The following MACROD2 variants were observed in gnomAD, a reference collection of about 807,000 sequenced individuals.
MACROD2 encodes mono-ADP ribosylhydrolase 2, also known as ADP-ribose glycohydrolase MACROD2.
Under a neutral mutation model 70.4 loss-of-function variants are expected in MACROD2, and 36 were observed. That is an observed-to-expected ratio of 0.51 (90% confidence interval 0.39 to 0.68). The LOEUF is 0.68. Among genes scored for constraint, MACROD2 ranks in the 30% least tolerant of loss-of-function variants. MACROD2 has a pLI of 0.00. For missense variants in MACROD2, 496 were observed against 538.4 expected, an observed-to-expected ratio of 0.92 and a Z score of 0.78; for synonymous variants, 172 against 178.8, an observed-to-expected ratio of 0.96 and a Z score of 0.30.
intron 4 of MACROD2, among the ~76,000 whole-genome samples, chr20:14,670,410 T>C (rs1323718562): frequency 1.3e-5 from 2 of 152,172 alleles, no homozygotes; most frequent in Non-Finnish European, 2.9e-5. Flanking sequence ...TCTAGGTTTT[T>C]CCAGCTGCCA....
At chr20:15,498,000 C>A (rs1398780838) in intron 7 of MACROD2, among the ~76,000 whole-genome samples, 1 of 152,150 alleles carries the variant, frequency 6.6e-6, no homozygotes, top group Non-Finnish European at 1.5e-5. Context: ...AAGAGTTTTA[C>A]ATTTTGGTGC....
chr20:15,176,862 T>G (rs1410952222), intron 5 of MACROD2, among the ~76,000 whole-genome samples: 1 of 152,188 alleles, frequency 6.6e-6, no homozygotes, highest in Non-Finnish European at 1.5e-5. Flanking sequence ...GCCAGAGCTG[T>G]GACACCCTCT....
chr20:14,060,182 T>C (rs2148655057), intron 2 of MACROD2, among the ~76,000 whole-genome samples: 1 of 152,340 alleles, frequency 6.6e-6, no homozygotes, highest in Non-Finnish European at 1.5e-5. Flanking sequence ...AGCTGGTAGC[T>C]GGCTATTTTC....
chr20:15,619,173 C>T (rs2049088832), intron 8 of MACROD2, among the ~76,000 whole-genome samples: 1 of 152,190 alleles, frequency 6.6e-6, no homozygotes, highest in African/African-American at 2.4e-5. Flanking sequence ...GACTCCTAAA[C>T]CGTAATTTCT....
At chr20:14,971,353 G>A (rs377378020) in intron 5 of MACROD2, among the ~76,000 whole-genome samples, 1 of 152,068 alleles carries the variant, frequency 6.6e-6, no homozygotes. Flanking sequence ...CCATGGATAT[G>A]GAGGGCTGAT....
chr20:15,919,955 C>T (rs372334633), intron 10 of MACROD2, among the ~76,000 whole-genome samples: 1 of 152,130 alleles, frequency 6.6e-6, no homozygotes, highest in African/African-American at 2.4e-5. Flanking sequence ...TTAAATTCAA[C>T]ATCAGGAGGT....
chr20:15,375,452 A>C (rs1369698890), intron 6 of MACROD2, among the ~76,000 whole-genome samples: 1 of 152,172 alleles, frequency 6.6e-6, no homozygotes, highest in South Asian at 2.1e-4. Flanking sequence ...GCAGCTTCTA[A>C]TTATGAAGCA....
chr20:15,244,203 T>A (rs1181556681), intron 6 of MACROD2, among the ~76,000 whole-genome samples: 2 of 152,180 alleles, frequency 1.3e-5, no homozygotes, highest in African/African-American at 2.4e-5. Context: ...ATAGATAGTA[T>A]AAAATTTTCC....
At chr20:14,056,213 A>C (rs2053629459) in intron 2 of MACROD2, among the ~76,000 whole-genome samples, 1 of 152,070 alleles carries the variant, frequency 6.6e-6, no homozygotes, top group Admixed American at 6.6e-5. Flanking sequence ...ACACTTATGT[A>C]TAGAATTTTC....
intron 5 of MACROD2, among the ~76,000 whole-genome samples, chr20:14,807,677 GGAAGCTAA>G (rs1214482327): frequency 3.9e-5 from 6 of 152,086 alleles, no homozygotes; most frequent in Admixed American, 1.3e-4. Context: ...CCCAATGGAA[GGAAGCTAA>G]GAACCTTGAT....
intron 5 of MACROD2, among the ~76,000 whole-genome samples, chr20:15,058,225 G>A (rs1282186868): frequency 6.6e-6 from 1 of 152,012 alleles, no homozygotes; most frequent in African/African-American, 2.4e-5. Context: ...GGTTAAAGGG[G>A]GACAGATGTA....
At chr20:15,490,793 A>G (rs2047222349) in intron 7 of MACROD2, among the ~76,000 whole-genome samples, 1 of 152,198 alleles carries the variant, frequency 6.6e-6, no homozygotes, top group African/African-American at 2.4e-5. Flanking sequence ...GTATCAAGTG[A>G]ATGAGAAACA....
At chr20:15,615,640 C>T (rs1446923486) in intron 8 of MACROD2, among the ~76,000 whole-genome samples, 1 of 152,168 alleles carries the variant, frequency 6.6e-6, no homozygotes, top group Non-Finnish European at 1.5e-5. Context: ...ACAGGCCACA[C>T]ACTACCACAC....
rs375194839 is a variant in MACROD2, at chr20:15,828,237, A to C, written c.646-34508A>C. Among the ~76,000 whole-genome samples the C allele has an allele frequency of 2.9e-3, 439 of 152,318 alleles. 1 individual carries two copies. Among genetic ancestry groups the C allele is most frequent in the South Asian group, 7.5e-3 (36 of 4,824 alleles). On this transcript the variant is annotated intron_variant, in intron 8 of 17. Coordinates refer to ENST00000684519, the MANE Select transcript of MACROD2 (RefSeq NM_001351661.2). ...TCAAAACATCACATTGTATACCATA[A>C]ATGTATCTTTCTCATTTATCAGTTT...
intron 5 of MACROD2, among the ~76,000 whole-genome samples, chr20:15,160,378 CAT>C (rs763985470): frequency 7.6e-4 from 116 of 152,214 alleles, no homozygotes; most frequent in Non-Finnish European, 1.3e-3. Flanking sequence ...CAACTAAAAA[CAT>C]TGTAGAAACC....
chr20:14,298,965 A>G (rs761489998), intron 3 of MACROD2, among the ~76,000 whole-genome samples: 4 of 152,212 alleles, frequency 2.6e-5, no homozygotes, highest in Non-Finnish European at 5.9e-5. Flanking sequence ...GATAGAATCT[A>G]CTCCTGGTGA....
intron 3 of MACROD2, among the ~76,000 whole-genome samples, chr20:14,119,775 T>C (rs901748628): frequency 2.0e-5 from 3 of 152,158 alleles, no homozygotes; most frequent in African/African-American, 7.2e-5. Context: ...CAGGAATATA[T>C]AGGCAAAAGC....
Position 16,003,044 on chromosome 20 carries a change from G to T in MACROD2, c.1153+15886G>T, listed in dbSNP as rs182051686. On this transcript the variant is annotated intron_variant, in intron 15 of 17. Coordinates refer to ENST00000684519, the MANE Select transcript of MACROD2 (RefSeq NM_001351661.2). ...ACAAGGCACTGGGCTCGGGGCTGGG[G>T]CACAAACAAAAACAAAATAGAAAAC... Among the ~76,000 whole-genome samples, 185 of 150,338 alleles carry T rather than the reference G, an allele frequency of 1.2e-3. 1 individual carries two copies. The highest frequency in any genetic ancestry group is 3.8e-3 in the Admixed American group (57 of 14,942).
At chr20:14,604,169 T>G (rs1231159074) in intron 4 of MACROD2, among the ~76,000 whole-genome samples, 1 of 152,200 alleles carries the variant, frequency 6.6e-6, no homozygotes, top group Non-Finnish European at 1.5e-5. Context: ...GTTTAGTTTC[T>G]CTTTCCTAAG....
Sources: allele counts gnomAD v4.1 joint callset (sites outside exome capture counted in the v4.1 genomes callset), GRCh38; gene constraint gnomAD v4.1.1; transcripts MANE v1.5; gene names NCBI Gene and HGNC (gene_info 2026-07-23, HGNC 2026-07-21).